The following SMARCC1 variants were observed in gnomAD, a reference collection of about 807,000 sequenced individuals.
SMARCC1 encodes SWI/SNF related BAF chromatin remodeling complex subunit C1.
A neutral mutation model predicts 147.4 loss-of-function variants in SMARCC1; 43 were observed. That is an observed-to-expected ratio of 0.29 (90% CI 0.23 to 0.38). SMARCC1 has a LOEUF of 0.38. Among genes scored for constraint, SMARCC1 ranks in the 10% least tolerant of loss-of-function variants. The pLI, the probability that SMARCC1 is intolerant of heterozygous loss-of-function variation, is 1.00. For synonymous variants in SMARCC1, 495 were observed against 484.4 expected (o/e 1.02, Z -0.29); for missense variants, 1,119 against 1,381.1 (o/e 0.81, Z 3.01).
rs753510379 is a variant in SMARCC1, at chr3:47,588,213, G to A, written c.3314C>T (p.Pro1105Leu). Reference sequence around the variant, plus strand: ...AGGTTCCCTGCATCTTCCAGGCTAAGGAGCAGCTGAGGCTGGCGGGCCAGG... The same window carrying A: ...AGGTTCCCTGCATCTTCCAGGCTAAAGAGCAGCTGAGGCTGGCGGGCCAGG... ...PAPGPPASAA[P>L] is the part of the protein sequence containing the mutation. The change falls in exon 28 of 28, where the codon CCT becomes CTT. Residue 1105 changes from proline (P) to leucine (L), a missense_variant. Pro to Leu is a moderately conservative substitution (Grantham distance 98). Coordinates refer to ENST00000254480, the MANE Select transcript of SMARCC1 (RefSeq NM_003074.4). 21 of 1,612,914 alleles carry A rather than the reference G, an allele frequency of 1.3e-5. No homozygotes were observed. In the Admixed American group the frequency reaches 3.3e-4, roughly 26 times the overall value.
intron 3 of SMARCC1, 85 bp from the exon 4 acceptor site, chr3:47,738,195 G>T: frequency 1.2e-6 from 1 of 800,878 alleles, no homozygotes. Flanking sequence ...ATGCAAATGA[G>T]TTAGAAAGAT....
At chr3:47,598,113 T>C (rs1025172827) in intron 26 of SMARCC1, among the ~76,000 whole-genome samples, 6 of 152,144 alleles carry the variant, frequency 3.9e-5, no homozygotes, top group Non-Finnish European at 5.9e-5. Context: ...GAAGCCCTTT[T>C]TTTGTTCTCT....
chr3:47,603,459 AGAGGTGCCCTCCTGCTT>A (rs1421399396), intron 26 of SMARCC1: 2 of 152,206 alleles, frequency 1.3e-5, no homozygotes, highest in African/African-American at 4.8e-5. Context: ...CCAAGCAGTC[AGAGGTGCCCTCCTGCTT>A]GAGTAAGCAG....
At chr3:47,695,260 G>C (rs888316448) in intron 11 of SMARCC1, among the ~76,000 whole-genome samples, 9 of 152,156 alleles carry the variant, frequency 5.9e-5, no homozygotes, top group Non-Finnish European at 1.2e-4. Flanking sequence ...CTTGAGCCTA[G>C]GAGGTGAAGT....
intron 25 of SMARCC1, among the ~76,000 whole-genome samples, chr3:47,617,574 ACTT>A (rs1000450078): frequency 6.6e-6 from 1 of 152,266 alleles, no homozygotes; most frequent in African/African-American, 2.4e-5. Flanking sequence ...CATATGCCAT[ACTT>A]CTCTCAATTT....
At chr3:47,778,280 T>C (rs975190623) in intron 1 of SMARCC1, among the ~76,000 whole-genome samples, 2 of 149,058 alleles carry the variant, frequency 1.3e-5, no homozygotes, top group African/African-American at 2.5e-5. Flanking sequence ...ATTAATCTGG[T>C]TTTTTTTTGT....
At chr3:47,712,025 G>T (rs2034089993) in intron 8 of SMARCC1, among the ~76,000 whole-genome samples, 1 of 152,174 alleles carries the variant, frequency 6.6e-6, no homozygotes, top group Non-Finnish European at 1.5e-5. Flanking sequence ...CTGAGGTCGG[G>T]AGTTCAAGAC....
intron 24 of SMARCC1, among the ~76,000 whole-genome samples, chr3:47,630,546 C>T (rs1002421330): frequency 2.0e-5 from 3 of 152,142 alleles, no homozygotes; most frequent in African/African-American, 4.8e-5. Flanking sequence ...TGAATTCCAA[C>T]GAGTAGAACA....
At chr3:47,657,923 A>G (rs1262778352) in intron 21 of SMARCC1, among the ~76,000 whole-genome samples, 1 of 152,112 alleles carries the variant, frequency 6.6e-6, no homozygotes, top group Non-Finnish European at 1.5e-5. Context: ...ATACAGCTGT[A>G]AACACCTACA....
rs1468681345 is a variant in SMARCC1 at position 47,710,945 on chromosome 3, GAT to G, written c.793-139_793-138del. On this transcript the variant is annotated intron_variant, in intron 8 of 27. Coordinates refer to ENST00000254480, the MANE Select transcript of SMARCC1 (RefSeq NM_003074.4). ...ACATTAATAATGTGATACTACTAAT[GAT>G]ATGTGAGTTGTAATTTAATCATCTC... 7.2e-6 allele frequency: 4 copies of G among 552,456 alleles called. No homozygotes were observed. The East Asian group carries it at 9.7e-5, about 13-fold the overall frequency. 34.2% of individuals were successfully genotyped at this position (552,456 alleles called of 1,614,324 possible). A position where few individuals can be genotyped will look rare whatever the true frequency, so the allele number is the denominator to read the frequency against.
chr3:47,670,618 A>G lies in SMARCC1; in HGVS notation c.1899+40T>C, dbSNP rs77317648. On this transcript the variant is annotated intron_variant, in intron 19 of 27. Transcript: ENST00000254480. ...CAAAACAAAATAAAATGCTAGTCAA[A>G]GAATCTTAGCACACATCCCATATGC... is the stretch of plus-strand genomic sequence containing the variant. The G allele has an allele frequency of 1.5e-3, 1,819 of 1,216,352 alleles. 22 individuals carry two copies. The African/African-American group carries it at 0.022, about 15-fold the overall frequency. 75.3% of individuals were successfully genotyped at this position (1,216,352 alleles called of 1,614,324 possible). A position where few individuals can be genotyped will look rare whatever the true frequency, so the allele number is the denominator to read the frequency against.
At chr3:47,763,771 T>TG (rs1309973046) in intron 2 of SMARCC1, among the ~76,000 whole-genome samples, 5 of 151,828 alleles carry the variant, frequency 3.3e-5, no homozygotes, top group African/African-American at 9.7e-5. Flanking sequence ...TAGGCTGGAG[T>TG]GCAGTGGCAT....
chr3:47,592,188 C>CT lies in SMARCC1; in HGVS notation c.3044-1352dup, dbSNP rs2032195558. ...TGTATTCAGTTTCACAATGAGCCTT[C>CT]TGACCCTTTAGAATGTTTAGCCAAC... is the stretch of plus-strand genomic sequence containing the variant. On this transcript the variant is annotated intron_variant, in intron 26 of 27. Transcript: ENST00000254480. Among the ~76,000 whole-genome samples the CT allele has an allele frequency of 1.3e-5, 2 of 152,198 alleles. 1 individual carries two copies.
At chr3:47,679,586 G>A (rs2033616091) in intron 15 of SMARCC1, among the ~76,000 whole-genome samples, 1 of 152,200 alleles carries the variant, frequency 6.6e-6, no homozygotes, top group Admixed American at 6.5e-5. Context: ...GACAGGCCGG[G>A]CTTGGTGGCT....
At chr3:47,734,201 A>C (rs1026860133) in intron 5 of SMARCC1, among the ~76,000 whole-genome samples, 19 of 152,166 alleles carry the variant, frequency 1.2e-4, no homozygotes, top group Admixed American at 1.2e-3. Context: ...TTCCACATAT[A>C]CTTTAAACTG....
At chr3:47,761,854 G>A (rs2034778270) in intron 2 of SMARCC1, among the ~76,000 whole-genome samples, 1 of 152,148 alleles carries the variant, frequency 6.6e-6, no homozygotes, top group Admixed American at 6.6e-5. Flanking sequence ...TGTTGCCCAG[G>A]CTGGAGTGCA....
At chr3:47,735,244 G>A (rs1220511632) in intron 5 of SMARCC1, among the ~76,000 whole-genome samples, 1 of 149,134 alleles carries the variant, frequency 6.7e-6, no homozygotes, top group Non-Finnish European at 1.5e-5. Context: ...TTAGGTCTAT[G>A]TAAGCACACT....
At position 47,696,854 on chromosome 3, in the gene SMARCC1, T is replaced by A. The variant is rs114015607; in HGVS notation, c.1166-3554A>T. The stretch of plus-strand genomic sequence containing the variant: ...GAATAAATTTCGAAAGACTAGATTT[T>A]CAGTGAATGATTTTGGGTTTTTTTG... On this transcript the variant is annotated intron_variant, in intron 11 of 27. Transcript: ENST00000254480. 4.2e-3 allele frequency among the ~76,000 whole-genome samples: 642 copies of A among 152,242 alleles called. 8 individuals are homozygous for A. Among genetic ancestry groups the A allele is most frequent in the African/African-American group, 0.015 (619 of 41,542 alleles).
At chr3:47,594,292 A>T (rs868719114) in intron 26 of SMARCC1, among the ~76,000 whole-genome samples, 1 of 152,182 alleles carries the variant, frequency 6.6e-6, no homozygotes, top group East Asian at 1.9e-4. Flanking sequence ...ATCTTTCTGC[A>T]CTCTATAATG....
Sources: gnomAD v4.1 joint callset for allele counts (sites outside exome capture counted in the v4.1 genomes callset) on GRCh38, gnomAD v4.1.1 for gene constraint, MANE v1.5 for transcripts, NCBI Gene and HGNC (gene_info 2026-07-23, HGNC 2026-07-21) for gene names.